Variants in EPB41L2 observed in about 807,000 individuals in gnomAD.
EPB41L2 encodes the protein band 4.1-like protein 2.
In EPB41L2, 43 loss-of-function variants were observed where a neutral mutation model predicts 113.0. The observed-to-expected ratio is 0.38, with a 90% CI of 0.30 to 0.49. EPB41L2 has a LOEUF of 0.49. EPB41L2 is among the 20% of genes least tolerant of loss of function. The pLI is 0.95. For missense variants in EPB41L2, 1,147 were observed against 1,223.4 expected, an observed-to-expected ratio of 0.94 and a Z score of 0.93; for synonymous variants, 442 against 436.7, an observed-to-expected ratio of 1.01 and a Z score of -0.15.
chr6:130,862,381 C>T (rs1782418018), intron 18 of EPB41L2, among the ~76,000 whole-genome samples: 1 of 152,136 alleles, frequency 6.6e-6, no homozygotes, highest in South Asian at 2.1e-4. Context: ...GCTTGTGCTT[C>T]ACATATTCTA....
intron 10 of EPB41L2, among the ~76,000 whole-genome samples, chr6:130,890,897 A>G (rs1437615445): frequency 6.6e-6 from 1 of 152,206 alleles, no homozygotes; most frequent in Non-Finnish European, 1.5e-5. Flanking sequence ...AATCTGTTCC[A>G]TTAAGTGATT....
chr6:130,981,463 T>C (rs1170497328), intron 1 of EPB41L2, among the ~76,000 whole-genome samples: 2 of 152,192 alleles, frequency 1.3e-5, no homozygotes, highest in Admixed American at 6.5e-5. Context: ...GACAAGATAA[T>C]GAAGACCACC....
intron 1 of EPB41L2, among the ~76,000 whole-genome samples, chr6:130,983,203 G>A (rs559262000): frequency 2.6e-5 from 4 of 152,324 alleles, no homozygotes; most frequent in South Asian, 2.1e-4. Context: ...GAAAGTTGCA[G>A]ATGTTTCTAT....
chr6:130,953,326 CAGG>C (rs1480084480), intron 3 of EPB41L2, among the ~76,000 whole-genome samples: 9 of 152,024 alleles, frequency 5.9e-5, no homozygotes, highest in African/African-American at 2.2e-4. Flanking sequence ...TTAAAAAGAG[CAGG>C]AGAAGAAAAG....
At chr6:130,948,679 G>A (rs950161637) in intron 3 of EPB41L2, among the ~76,000 whole-genome samples, 4 of 152,042 alleles carry the variant, frequency 2.6e-5, no homozygotes, top group African/African-American at 9.7e-5. Context: ...AGGATACAAT[G>A]TTTAAACGCA....
intron 2 of EPB41L2, among the ~76,000 whole-genome samples, chr6:130,955,522 G>T (rs1670340891): frequency 6.6e-6 from 1 of 152,042 alleles, no homozygotes; most frequent in African/African-American, 2.4e-5. Flanking sequence ...TGCCAAGTTG[G>T]TTATTTGGCA....
chr6:130,844,767 G>C (rs74864742), intron 19 of EPB41L2, among the ~76,000 whole-genome samples: 2,563 of 152,138 alleles, frequency 0.017, 63 homozygotes, highest in African/African-American at 0.048. Flanking sequence ...AATCAGCTGG[G>C]CACGGTGGTT....
rs1163448200 is a variant in EPB41L2 at position 130,885,106 on chromosome 6, A to G, written c.1823T>C (p.Ile608Thr). The change falls in exon 12 of 20, where the codon ATT (isoleucine) becomes ACT (threonine). Residue 608 changes from isoleucine to threonine, a missense_variant. Ile to Thr is a moderately conservative substitution (Grantham distance 89). Transcript: ENST00000337057. Reference sequence around the variant, plus strand: ...GCTAATTTACCATACCTTTCCTTCAATGAGCTGCAAATGTGGGGCTTTAGT... The same window carrying G: ...GCTAATTTACCATACCTTTCCTTCAGTGAGCTGCAAATGTGGGGCTTTAGT... ...SPTKAPHLQL[I>T]EGKKNSLRVE... is the part of the protein sequence containing the mutation. 2.5e-6 allele frequency: 4 copies of G among 1,614,098 alleles called. No individual in the cohort carries two copies. Among genetic ancestry groups the G allele is most frequent in the South Asian group, 2.2e-5 (2 of 91,078 alleles).
chr6:130,999,665 G>C (rs945781535), intron 1 of EPB41L2, among the ~76,000 whole-genome samples: 1 of 152,068 alleles, frequency 6.6e-6, no homozygotes, highest in Non-Finnish European at 1.5e-5. Flanking sequence ...CAAATTCTAA[G>C]AAAAGCAAGA....
intron 15 of EPB41L2, 173 bp from the exon 16 acceptor site, chr6:130,867,754 C>T (rs1347021255): frequency 1.3e-6 from 1 of 753,590 alleles, no homozygotes; most frequent in Admixed American, 2.7e-5. Flanking sequence ...GAAAAATTTT[C>T]CTTCAAATAT....
chr6:130,854,825 A>G (rs1779732072), intron 19 of EPB41L2, among the ~76,000 whole-genome samples: 1 of 152,222 alleles, frequency 6.6e-6, no homozygotes, highest in Non-Finnish European at 1.5e-5. Context: ...AGATGAAAAC[A>G]TAGCCTTCAG....
intron 1 of EPB41L2, among the ~76,000 whole-genome samples, chr6:130,992,738 C>T (rs899136939): frequency 3.4e-4 from 51 of 151,898 alleles, no homozygotes; most frequent in African/African-American, 1.1e-3. Flanking sequence ...TCAAGCAATT[C>T]TCCTGCCTCA....
intron 1 of EPB41L2, among the ~76,000 whole-genome samples, chr6:130,995,887 C>G (rs533855648): frequency 6.6e-6 from 1 of 152,308 alleles, no homozygotes; most frequent in South Asian, 2.1e-4. Flanking sequence ...TTTCTATCTC[C>G]TCCCACTGTC....
At chr6:130,999,847 C>A (rs1783986786) in intron 1 of EPB41L2, among the ~76,000 whole-genome samples, 2 of 152,150 alleles carry the variant, frequency 1.3e-5, no homozygotes, top group African/African-American at 4.8e-5. Context: ...AGCTAACTGA[C>A]TGAAAGATCA....
chr6:130,887,787 C>A (rs965500214), intron 11 of EPB41L2, among the ~76,000 whole-genome samples: 1 of 152,182 alleles, frequency 6.6e-6, no homozygotes, highest in South Asian at 2.1e-4. Flanking sequence ...ATTTAAGTAA[C>A]GTCCCTGTTC....
intron 1 of EPB41L2, among the ~76,000 whole-genome samples, chr6:131,058,195 A>G (rs1797958166): frequency 7.1e-6 from 1 of 140,130 alleles, no homozygotes; most frequent in Admixed American, 7.0e-5. Context: ...GCTCAATTGC[A>G]ATCTTTGAAG....
At chr6:130,933,859 G>A (rs556817989) in intron 3 of EPB41L2, among the ~76,000 whole-genome samples, 9 of 152,290 alleles carry the variant, frequency 5.9e-5, no homozygotes, top group Non-Finnish European at 8.8e-5. Flanking sequence ...CCGGCAGATT[G>A]TAGTGAATGC....
intron 1 of EPB41L2, among the ~76,000 whole-genome samples, chr6:130,995,055 G>A (rs551498739): frequency 2.0e-4 from 30 of 152,234 alleles, no homozygotes; most frequent in Admixed American, 1.4e-3. Flanking sequence ...AAAACAGGCC[G>A]GCCAGGCGTG....
intron 18 of EPB41L2, among the ~76,000 whole-genome samples, chr6:130,861,133 C>T (rs769872758): frequency 3.3e-5 from 5 of 151,904 alleles, no homozygotes; most frequent in Non-Finnish European, 7.4e-5. Flanking sequence ...AGTGCAGTGG[C>T]GCCATCTCCG....
Sources: allele counts gnomAD v4.1 joint callset (sites outside exome capture counted in the v4.1 genomes callset), GRCh38; gene constraint gnomAD v4.1.1; transcripts MANE v1.5; gene names NCBI Gene and HGNC (gene_info 2026-07-23, HGNC 2026-07-21).